Variants in ADGRA1 observed in about 807,000 individuals in gnomAD.
The protein encoded by ADGRA1 is adhesion G protein-coupled receptor A1.
A neutral mutation model predicts 21.3 loss-of-function variants in ADGRA1; 12 were observed. The ratio of observed to expected loss-of-function variants is 0.56; its 90% confidence interval spans 0.36 to 0.91. ADGRA1 has a LOEUF of 0.91. ADGRA1 is among the 40% of genes least tolerant of loss of function. The probability of loss-of-function intolerance (pLI) is 0.01; values close to 1 mark genes in which losing one functional copy is unlikely to be tolerated. For missense variants in ADGRA1, 790 were observed against 805.6 expected (o/e 0.98, Z 0.23); for synonymous variants, 385 against 368.8 (o/e 1.04, Z -0.50).
At chr10:133,127,044 A>G (rs888514241) in intron 5 of ADGRA1, among the ~76,000 whole-genome samples, 189 bp from the exon 6 acceptor site, 7 of 143,644 alleles carry the variant, frequency 4.9e-5, no homozygotes, top group Non-Finnish European at 1.1e-4. Flanking sequence ...GCGGGAGGCC[A>G]GCGAGGCCGG....
At chr10:133,115,973 ACCTCT>A (rs1852149379) in intron 5 of ADGRA1, among the ~76,000 whole-genome samples, 1 of 147,690 alleles carries the variant, frequency 6.8e-6, no homozygotes, top group Non-Finnish European at 1.5e-5. Flanking sequence ...CCTCCCGCTC[ACCTCT>A]CCCCTTCTCC....
At chr10:133,124,569 C>T (rs969664743) in intron 5 of ADGRA1, among the ~76,000 whole-genome samples, 2 of 152,244 alleles carry the variant, frequency 1.3e-5, no homozygotes, top group Non-Finnish European at 2.9e-5. Context: ...GGCCATTCCC[C>T]GACGCCCAGA....
chr10:133,109,868 G>C (rs1336800401), intron 5 of ADGRA1, among the ~76,000 whole-genome samples: 1 of 152,226 alleles, frequency 6.6e-6, no homozygotes, highest in Non-Finnish European at 1.5e-5. Flanking sequence ...TCTGAGGCTT[G>C]GGTGAGCAGC....
chr10:133,109,471 T>C (rs188617370), intron 5 of ADGRA1, among the ~76,000 whole-genome samples: 49 of 152,196 alleles, frequency 3.2e-4, no homozygotes, highest in African/African-American at 1.1e-3. Flanking sequence ...CAGCTGTGGC[T>C]CAGAGCCTTC....
intron 5 of ADGRA1, among the ~76,000 whole-genome samples, chr10:133,123,714 TCCC>T (rs3058111): frequency 1.4e-5 from 2 of 144,686 alleles, no homozygotes; most frequent in African/African-American, 2.5e-5. Flanking sequence ...ACTGCCTCCC[TCCC>T]CCCCCCCGGC....
At chr10:133,101,202 C>T (rs1344774401) in intron 4 of ADGRA1, among the ~76,000 whole-genome samples, 3 of 152,166 alleles carry the variant, frequency 2.0e-5, no homozygotes, top group Non-Finnish European at 4.4e-5. Context: ...TCCGCCTTCC[C>T]GCCTGCCCCG....
intron 5 of ADGRA1, among the ~76,000 whole-genome samples, chr10:133,114,416 C>T (rs1215569782): frequency 3.3e-5 from 5 of 152,308 alleles, no homozygotes; most frequent in Admixed American, 6.5e-5. Flanking sequence ...TTGTCAGTCA[C>T]GAAGCGTCCT....
chr10:133,090,713 C>G (rs1000798046), intron 2 of ADGRA1, among the ~76,000 whole-genome samples: 7 of 151,870 alleles, frequency 4.6e-5, no homozygotes, highest in Admixed American at 4.6e-4. Context: ...CTGCTGTGCT[C>G]TGGGGGGCTC....
chr10:133,109,399 TCC>T (rs1166362432), intron 5 of ADGRA1, among the ~76,000 whole-genome samples: 1 of 151,926 alleles, frequency 6.6e-6, no homozygotes, highest in Non-Finnish European at 1.5e-5. Flanking sequence ...ATACTTTTTC[TCC>T]CCAGCTGGAA....
In ADGRA1 at chr10:133,111,408, A is replaced by T. The variant is rs112891758; in HGVS notation, c.401+8566A>T. On this transcript the variant is annotated intron_variant, in intron 5 of 6. Coordinates refer to ENST00000392607, the MANE Select transcript of ADGRA1 (RefSeq NM_001083909.3). ...CCACGGACACCTCCCTCCTAATCCC[A>T]CCAGACAACCTGCCCACCACGGACA... 3.3e-3 allele frequency among the ~76,000 whole-genome samples: 68 copies of T among 20,368 alleles called. 1 individual carries two copies. Among genetic ancestry groups the T allele is most frequent in the Non-Finnish European group, 3.7e-3 (45 of 12,288 alleles). The allele number at this position is 20,368 out of a possible 152,430, so 13.4% of individuals were successfully genotyped here. A position where few individuals can be genotyped will look rare whatever the true frequency, so the allele number is the denominator to read the frequency against.
Position 133,127,261 on chromosome 10 carries a change from T to A in ADGRA1, c.430T>A (p.Phe144Ile), listed in dbSNP as rs755700814. Residue 144 changes from phenylalanine to isoleucine, a missense_variant, in exon 6 of 7, where the codon TTT becomes ATT. Physicochemically the swap from Phe to Ile is conservative, Grantham distance 21. Coordinates refer to ENST00000392607, the MANE Select transcript of ADGRA1 (RefSeq NM_001083909.3). ...TTACCTCGTCAGCGGAGGGGTCCCC[T>A]TTATCATCTGTGGGGTCACGGCTGC... ...RFYLVSGGVPFIICGVTAATN... is the reference protein window; with the variant it reads ...RFYLVSGGVPIIICGVTAATN... 3 of 1,594,264 alleles carry A rather than the reference T, an allele frequency of 1.9e-6. No individual in the cohort carries two copies. In the South Asian group the frequency reaches 3.4e-5, roughly 18 times the overall value.
At chr10:133,098,864 C>T (rs1439678236) in intron 4 of ADGRA1, 101 bp downstream of exon 4, 14 of 1,469,024 alleles carry the variant, frequency 9.5e-6, no homozygotes, top group East Asian at 6.9e-5. Flanking sequence ...AGCTATTTCC[C>T]GGGAAGAGGG....
At chr10:133,097,399 T>C (rs151050747) in intron 3 of ADGRA1, among the ~76,000 whole-genome samples, 2,627 of 152,334 alleles carry the variant, frequency 0.017, 37 homozygotes, top group African/African-American at 0.032. Context: ...GAAATAGGTG[T>C]GGTGTCCGTC....
intron 2 of ADGRA1, among the ~76,000 whole-genome samples, chr10:133,089,895 A>G (rs1851569832): frequency 6.6e-6 from 1 of 152,214 alleles, no homozygotes; most frequent in Admixed American, 6.5e-5. Flanking sequence ...CAGCACCAGC[A>G]GCACCTCAGG....
At chr10:133,102,933 CA>C in intron 5 of ADGRA1, 91 bp downstream of exon 5, 3 of 1,374,068 alleles carry the variant, frequency 2.2e-6, no homozygotes, top group Non-Finnish European at 2.0e-6. Context: ...CTCACCAGGC[CA>C]CCAGGGGCCT....
At chr10:133,116,719 G>A (rs987971799) in intron 5 of ADGRA1, among the ~76,000 whole-genome samples, 9 of 152,142 alleles carry the variant, frequency 5.9e-5, no homozygotes, top group East Asian at 1.9e-4. Context: ...AGGTGGAGCC[G>A]ATGGAGCCCC....
chr10:133,104,033 G>A (rs1048057113), intron 5 of ADGRA1, among the ~76,000 whole-genome samples: 11 of 152,228 alleles, frequency 7.2e-5, no homozygotes, highest in Non-Finnish European at 1.5e-4. Context: ...GACGTGACCC[G>A]GTGCTGGCGC....
intron 4 of ADGRA1, among the ~76,000 whole-genome samples, chr10:133,100,070 C>T (rs1449743294): frequency 1.2e-4 from 18 of 152,228 alleles, no homozygotes; most frequent in Non-Finnish European, 1.8e-4. Context: ...GCCGGGCAGG[C>T]GCTCACACAA....
At chr10:133,110,454 T>G (rs964237138) in intron 5 of ADGRA1, among the ~76,000 whole-genome samples, 1 of 149,080 alleles carries the variant, frequency 6.7e-6, no homozygotes, top group Admixed American at 6.6e-5. Context: ...TATCAGGCAG[T>G]GCGTGGGGAA....
Sources: gnomAD v4.1 joint callset for allele counts (sites outside exome capture counted in the v4.1 genomes callset) on GRCh38, gnomAD v4.1.1 for gene constraint, MANE v1.5 for transcripts, NCBI Gene and HGNC (gene_info 2026-07-23, HGNC 2026-07-21) for gene names.